Variants in SORBS2 observed in about 807,000 individuals in gnomAD.
The protein encoded by SORBS2 is sorbin and SH3 domain containing 2, also known as sorbin and SH3 domain-containing protein 2.
In SORBS2, 46 loss-of-function variants were observed where a neutral mutation model predicts 97.7. That is an observed-to-expected ratio of 0.47 (90% CI 0.37 to 0.60). SORBS2 has a LOEUF of 0.60. Ranked by LOEUF, SORBS2 falls within the 20% of genes least tolerant of loss-of-function variation. SORBS2 has a pLI of 0.00. For synonymous variants in SORBS2, 476 were observed against 473.4 expected (o/e 1.01, Z -0.07); for missense variants, 1,316 against 1,282.3 (o/e 1.03, Z -0.40).
At chr4:185,876,579 A>T (rs1269451802) in intron 1 of SORBS2, among the ~76,000 whole-genome samples, 1 of 152,196 alleles carries the variant, frequency 6.6e-6, no homozygotes, top group African/African-American at 2.4e-5. Flanking sequence ...TATGCTTGAA[A>T]GAAAAGCATT....
At chr4:185,786,552 G>A (rs2099057013) in intron 1 of SORBS2, among the ~76,000 whole-genome samples, 2 of 152,234 alleles carry the variant, frequency 1.3e-5, no homozygotes, top group African/African-American at 4.8e-5. Context: ...TCCAAGGAAA[G>A]AACTGAGGGT....
intron 1 of SORBS2, among the ~76,000 whole-genome samples, chr4:185,833,315 T>C (rs2099206155): frequency 1.3e-5 from 2 of 152,210 alleles, no homozygotes; most frequent in Admixed American, 6.5e-5. Flanking sequence ...ACTGTCCCCT[T>C]TGTTTCTAAA....
intron 12 of SORBS2, among the ~76,000 whole-genome samples, chr4:185,596,586 G>T (rs2096097683): frequency 7.3e-6 from 1 of 136,996 alleles, no homozygotes; most frequent in African/African-American, 2.8e-5. Flanking sequence ...CCAGGCTAGA[G>T]GTCAGTGGTG....
At chr4:185,605,568 C>T (rs1321506291) in intron 12 of SORBS2, among the ~76,000 whole-genome samples, 1 of 151,930 alleles carries the variant, frequency 6.6e-6, no homozygotes, top group Non-Finnish European at 1.5e-5. Flanking sequence ...CAGGCGTAAG[C>T]CACCGCAGCT....
intron 12 of SORBS2, 44 bp downstream of exon 24, chr4:185,611,736 T>C: frequency 6.7e-7 from 1 of 1,485,176 alleles, no homozygotes; most frequent in African/African-American, 1.4e-5. Flanking sequence ...TTATCTTACT[T>C]GGAGCTTCCA....
At chr4:185,758,132 G>T (rs1214094608) in intron 2 of SORBS2, among the ~76,000 whole-genome samples, 6 of 152,092 alleles carry the variant, frequency 3.9e-5, no homozygotes, top group Non-Finnish European at 8.8e-5. Flanking sequence ...GAAACTCTCG[G>T]GTCCTAACCG....
intron 4 of SORBS2, chr4:185,666,272 T>A: frequency 1.2e-6 from 1 of 846,964 alleles, no homozygotes; most frequent in Non-Finnish European, 1.7e-6. Context: ...CTTTTTGCGA[T>A]GTGGCAGAGA....
chr4:185,737,502 G>A (rs1329371436), intron 2 of SORBS2, among the ~76,000 whole-genome samples: 1 of 152,162 alleles, frequency 6.6e-6, no homozygotes, highest in Admixed American at 6.5e-5. Context: ...GAGAAACGGG[G>A]AATTCTGTCA....
At chr4:185,940,939 G>T (rs1191755567) in intron 1 of SORBS2, among the ~76,000 whole-genome samples, 2 of 152,096 alleles carry the variant, frequency 1.3e-5, no homozygotes, top group Non-Finnish European at 2.9e-5. Context: ...GACATTTTTG[G>T]TGGTCGTTAC....
At chr4:185,733,592 C>T (rs1038636560) in intron 2 of SORBS2, among the ~76,000 whole-genome samples, 1 of 152,176 alleles carries the variant, frequency 6.6e-6, no homozygotes, top group African/African-American at 2.4e-5. Flanking sequence ...CCCGGTGAAG[C>T]ATCAGTGACC....
At chr4:185,680,303 CT>C (rs1475395203) in intron 2 of SORBS2, among the ~76,000 whole-genome samples, 2 of 152,170 alleles carry the variant, frequency 1.3e-5, no homozygotes, top group African/African-American at 4.8e-5. Context: ...GCCACTGGGC[CT>C]GGCCCTTCTT....
intron 4 of SORBS2, among the ~76,000 whole-genome samples, chr4:185,637,632 G>A (rs1318336303): frequency 6.6e-6 from 1 of 152,082 alleles, no homozygotes; most frequent in Non-Finnish European, 1.5e-5. Context: ...TTCTTGGCGG[G>A]ACATCAGGAG....
chr4:185,904,870 T>C (rs2099249809), intron 1 of SORBS2, among the ~76,000 whole-genome samples: 1 of 152,084 alleles, frequency 6.6e-6, no homozygotes. Context: ...TTTGGGAGGC[T>C]GAGGCAGGTG....
chr4:185,694,742 T>C (rs1265553895), intron 2 of SORBS2, among the ~76,000 whole-genome samples: 3 of 143,742 alleles, frequency 2.1e-5, no homozygotes, highest in Non-Finnish European at 4.5e-5. Context: ...AGTCTCACTC[T>C]GCCGCCCAGG....
intron 1 of SORBS2, among the ~76,000 whole-genome samples, chr4:185,842,679 G>C (rs1039439086): frequency 6.6e-6 from 1 of 152,178 alleles, no homozygotes; most frequent in African/African-American, 2.4e-5. Flanking sequence ...GCCCATGCCT[G>C]TAATCCCAGC....
intron 1 of SORBS2, among the ~76,000 whole-genome samples, chr4:185,824,798 G>C (rs1236215663): frequency 6.6e-6 from 1 of 152,078 alleles, no homozygotes; most frequent in African/African-American, 2.4e-5. Flanking sequence ...ATGTTGAAAA[G>C]ATTCTACCAA....
intron 1 of SORBS2, among the ~76,000 whole-genome samples, chr4:185,939,576 C>A (rs949637885): frequency 3.9e-5 from 6 of 152,218 alleles, no homozygotes; most frequent in African/African-American, 1.4e-4. Context: ...GATGGCGCGA[C>A]CTCGGCTCAC....
intron 1 of SORBS2, among the ~76,000 whole-genome samples, chr4:185,781,606 GCCTCCGGCC>G (rs1560991574): frequency 1.5e-5 from 2 of 135,684 alleles, no homozygotes; most frequent in African/African-American, 2.7e-5. Context: ...CCCTTCCCTT[GCCTCCGGCC>G]CCTCCAGCCT....
At chr4:185,700,391 C>T (rs918707501) in intron 2 of SORBS2, among the ~76,000 whole-genome samples, 2 of 151,904 alleles carry the variant, frequency 1.3e-5, no homozygotes, top group African/African-American at 4.8e-5. Flanking sequence ...ATGGTAGAGA[C>T]ACTATGGTGA....
Sources: gnomAD v4.1 joint callset for allele counts (sites outside exome capture counted in the v4.1 genomes callset) on GRCh38, gnomAD v4.1.1 for gene constraint, MANE v1.5 for transcripts, NCBI Gene and HGNC (gene_info 2026-07-23, HGNC 2026-07-21) for gene names.